Variants in SLC35F3 observed in about 807,000 individuals in gnomAD.
SLC35F3 encodes putative thiamine transporter SLC35F3.
A neutral mutation model predicts 49.9 loss-of-function variants in SLC35F3; 25 were observed. The ratio of observed to expected loss-of-function variants is 0.50; its 90% CI spans 0.37 to 0.70. The LOEUF is 0.70. SLC35F3 is among the 30% of genes least tolerant of loss of function. SLC35F3 has a pLI of 0.00. For missense variants in SLC35F3, 525 were observed against 639.8 expected (o/e 0.82, Z 1.94); for synonymous variants, 275 against 265.4 (o/e 1.04, Z -0.35).
chr1:234,055,565 C>G (rs1201587431), intron 2 of SLC35F3, among the ~76,000 whole-genome samples: 15 of 152,230 alleles, frequency 9.9e-5, no homozygotes, highest in Admixed American at 9.8e-4. Flanking sequence ...CACGGCTTCC[C>G]TTGGCTAGGA....
chr1:234,187,708 GT>G (rs1374076885), intron 2 of SLC35F3, among the ~76,000 whole-genome samples: 1 of 152,224 alleles, frequency 6.6e-6, no homozygotes, highest in East Asian at 1.9e-4. Flanking sequence ...AGACACCTGA[GT>G]GAACTACAGA....
At chr1:234,155,603 A>C (rs984864012) in intron 2 of SLC35F3, among the ~76,000 whole-genome samples, 2 of 152,014 alleles carry the variant, frequency 1.3e-5, no homozygotes, top group Non-Finnish European at 2.9e-5. Flanking sequence ...AACAATTAAA[A>C]TATTGTTAAA....
chr1:234,119,876 T>C (rs943646791), intron 2 of SLC35F3, among the ~76,000 whole-genome samples: 5 of 152,334 alleles, frequency 3.3e-5, no homozygotes, highest in Admixed American at 3.3e-4. Flanking sequence ...CACACTCAAT[T>C]TACAGCCTCT....
At chr1:233,965,819 T>C (rs1278190451) in intron 2 of SLC35F3, among the ~76,000 whole-genome samples, 2 of 152,232 alleles carry the variant, frequency 1.3e-5, no homozygotes, top group Non-Finnish European at 2.9e-5. Flanking sequence ...AAATAATTAA[T>C]GCGTGCTGTC....
intron 2 of SLC35F3, among the ~76,000 whole-genome samples, chr1:233,990,972 G>C (rs2102827110): frequency 6.6e-6 from 1 of 152,298 alleles, no homozygotes; most frequent in African/African-American, 2.4e-5. Flanking sequence ...GGGAACATCT[G>C]TATTCCACAT....
At chr1:234,187,637 G>GC (rs1462579528) in intron 2 of SLC35F3, among the ~76,000 whole-genome samples, 2 of 152,324 alleles carry the variant, frequency 1.3e-5, no homozygotes, top group African/African-American at 2.4e-5. Context: ...ATGAACGCGT[G>GC]CCCTCACTGG....
chr1:234,184,138 T>TAAAA (rs869152169), intron 2 of SLC35F3, among the ~76,000 whole-genome samples: 35 of 148,070 alleles, frequency 2.4e-4, no homozygotes, highest in African/African-American at 8.9e-4. Flanking sequence ...ACAGTTTTTT[T>TAAAA]AAAAAAAAAA....
At chr1:234,246,869 C>T (rs561720831) in intron 3 of SLC35F3, among the ~76,000 whole-genome samples, 3 of 152,298 alleles carry the variant, frequency 2.0e-5, no homozygotes, top group African/African-American at 4.8e-5. Context: ...TTGGGAGGCC[C>T]TGTCGGCTGC....
At chr1:234,139,951 T>TAATAAAATAAAATAAAATAAAATA (rs1665868822) in intron 2 of SLC35F3, among the ~76,000 whole-genome samples, 5 of 90,564 alleles carry the variant, frequency 5.5e-5, no homozygotes, top group African/African-American at 1.6e-4. Context: ...CATCTCAAAA[T>TAATAAAATAAAATAAAATAAAATA]AATAAAATAA....
chr1:234,275,762 AAAT>A (rs1005141541), intron 3 of SLC35F3, among the ~76,000 whole-genome samples: 8 of 139,750 alleles, frequency 5.7e-5, no homozygotes, highest in African/African-American at 1.9e-4. Flanking sequence ...GAAAAAAAAA[AAAT>A]ATATATATAT....
intron 2 of SLC35F3, among the ~76,000 whole-genome samples, chr1:234,077,090 C>T (rs1027130437): frequency 6.0e-5 from 9 of 150,710 alleles, no homozygotes; most frequent in Non-Finnish European, 1.2e-4. Context: ...CTGCAAGCTC[C>T]GCTTCCCGGG....
chr1:233,954,933 T>C (rs1287967019), intron 2 of SLC35F3, among the ~76,000 whole-genome samples: 2 of 152,194 alleles, frequency 1.3e-5, no homozygotes, highest in African/African-American at 2.4e-5. Flanking sequence ...AACCTCTGCT[T>C]CCCGGGTTCC....
intron 2 of SLC35F3, among the ~76,000 whole-genome samples, chr1:233,908,536 CTT>C (rs898041195): frequency 0.023 from 1,916 of 84,756 alleles, 10 homozygotes; most frequent in East Asian, 0.13. Flanking sequence ...GTAAAGGATT[CTT>C]TTTTTTTTTT....
intron 3 of SLC35F3, among the ~76,000 whole-genome samples, chr1:234,278,722 G>A (rs1290307287): frequency 6.6e-6 from 1 of 152,128 alleles, no homozygotes; most frequent in Non-Finnish European, 1.5e-5. Flanking sequence ...TGTCTGATGA[G>A]GACCTATTTC....
intron 2 of SLC35F3, among the ~76,000 whole-genome samples, chr1:234,070,744 T>G (rs943964372): frequency 1.8e-5 from 2 of 109,644 alleles, no homozygotes; most frequent in Non-Finnish European, 3.7e-5. Context: ...AGAATTTGTC[T>G]ATTTCCTGCA....
intron 2 of SLC35F3, among the ~76,000 whole-genome samples, chr1:234,069,674 C>G (rs539538102): frequency 6.6e-6 from 1 of 152,296 alleles, no homozygotes; most frequent in African/African-American, 2.4e-5. Context: ...GGGAGCCCAG[C>G]CTCCCCCAGG....
chr1:233,954,396 C>T (rs1176717046), intron 2 of SLC35F3, among the ~76,000 whole-genome samples: 1 of 152,176 alleles, frequency 6.6e-6, no homozygotes. Context: ...GCCAAATGCC[C>T]TGCACCATGC....
At chr1:234,067,758 A>G (rs964843799) in intron 2 of SLC35F3, among the ~76,000 whole-genome samples, 1 of 152,218 alleles carries the variant, frequency 6.6e-6, no homozygotes, top group Non-Finnish European at 1.5e-5. Context: ...AGCTGCATGC[A>G]TGACCCCTGG....
chr1:234,040,192 TCTC>T (rs1664199960), intron 2 of SLC35F3, among the ~76,000 whole-genome samples: 1 of 152,120 alleles, frequency 6.6e-6, no homozygotes, highest in South Asian at 2.1e-4. Flanking sequence ...TCTCCGCCTC[TCTC>T]CTCTGAAGTC....
Sources: gnomAD v4.1 joint callset for allele counts (sites outside exome capture counted in the v4.1 genomes callset) on GRCh38, gnomAD v4.1.1 for gene constraint, MANE v1.5 for transcripts, NCBI Gene and HGNC (gene_info 2026-07-23, HGNC 2026-07-21) for gene names.